Variants in FAXC observed in about 807,000 individuals in gnomAD.
The protein encoded by FAXC is failed axon connections homolog, metaxin like GST domain containing.
A neutral mutation model predicts 41.9 loss-of-function variants in FAXC; 10 were observed. The observed-to-expected ratio is 0.24, with a 90% confidence interval of 0.15 to 0.41. FAXC has a LOEUF of 0.41. FAXC is among the 10% of genes least tolerant of loss of function. FAXC has a pLI of 1.00. For synonymous variants in FAXC, 183 were observed against 183.8 expected (o/e 1.00, Z 0.03); for missense variants, 399 against 510.9 (o/e 0.78, Z 2.11).
At chr6:99,326,752 TTCTC>T (rs926362609) in intron 3 of FAXC, among the ~76,000 whole-genome samples, 1 of 152,176 alleles carries the variant, frequency 6.6e-6, no homozygotes, top group Non-Finnish European at 1.5e-5. Flanking sequence ...AGGGGCATCT[TTCTC>T]TGCGCTTCAG....
intron 2 of FAXC, among the ~76,000 whole-genome samples, chr6:99,342,189 T>G (rs1773451276): frequency 6.6e-6 from 1 of 152,176 alleles, no homozygotes; most frequent in Non-Finnish European, 1.5e-5. Flanking sequence ...AATATCTACC[T>G]CGTGGCCTAC....
intron 1 of FAXC, among the ~76,000 whole-genome samples, chr6:99,344,209 T>C (rs1773517773): frequency 6.6e-6 from 1 of 152,192 alleles, no homozygotes; most frequent in African/African-American, 2.4e-5. Context: ...TAAGTAATAG[T>C]GGAATTTATC....
rs1266258291 is a variant in FAXC, at chr6:99,349,401, C to T, written c.-29G>A. 5.1e-6 allele frequency: 8 copies of T among 1,564,166 alleles called. No homozygotes were observed. The highest frequency in any genetic ancestry group is 6.9e-6 in the Non-Finnish European group (8 of 1,157,610). Reference sequence around the variant, plus strand: ...GCGCGGCTGGCTCCGGGCGCCCCTCCCAGGGCCCGCGCCGCCCGCATGGGA... The same window carrying T: ...GCGCGGCTGGCTCCGGGCGCCCCTCTCAGGGCCCGCGCCGCCCGCATGGGA... On this transcript the variant is annotated 5_prime_UTR_variant, in exon 1 of 6. Coordinates refer to ENST00000389677, the MANE Select transcript of FAXC (RefSeq NM_032511.4).
intron 4 of FAXC, among the ~76,000 whole-genome samples, chr6:99,315,241 AAAAAAAAAAAAAAAAAAAAAAC>A (rs1247682585): frequency 1.7e-5 from 2 of 116,016 alleles, no homozygotes; most frequent in Non-Finnish European, 3.5e-5. Context: ...TTAAAAAAAA[AAAAAAAAAAAAAAAAAAAAAAC>A]CAGTAAATGT....
intron 4 of FAXC, among the ~76,000 whole-genome samples, chr6:99,303,965 G>A (rs879478656): frequency 6.6e-6 from 1 of 152,124 alleles, no homozygotes; most frequent in African/African-American, 2.4e-5. Context: ...ATTAAGAAAG[G>A]TTTTTACAAA....
At chr6:99,287,868 G>A (rs1771083064) in intron 5 of FAXC, among the ~76,000 whole-genome samples, 1 of 152,188 alleles carries the variant, frequency 6.6e-6, no homozygotes, top group African/African-American at 2.4e-5. Context: ...GATTTAGAAG[G>A]GGTATGGAAC....
In FAXC at chr6:99,277,040, G is replaced by A. The variant is rs1011224558; in HGVS notation, c.*4124C>T. ...AGACCTTGAGAGATGGGCATGACTT[G>A]GGCCAGTGGAGCAGAGAATAGAACA... On this transcript the variant is annotated 3_prime_UTR_variant, in exon 6 of 6. Transcript: ENST00000389677. The A allele has an allele frequency of 3.9e-5, 6 of 152,294 alleles. No individual in the cohort carries two copies. The highest frequency in any genetic ancestry group is 8.8e-5 in the Non-Finnish European group (6 of 68,088). 9.4% of individuals were successfully genotyped at this position (152,294 alleles called of 1,614,324 possible).
At chr6:99,323,928 C>T (rs1247254465) in intron 3 of FAXC, among the ~76,000 whole-genome samples, 1 of 152,092 alleles carries the variant, frequency 6.6e-6, no homozygotes, top group Non-Finnish European at 1.5e-5. Flanking sequence ...CAGACCTCTC[C>T]CCTCCCCTCC....
chr6:99,288,640 T>C (rs762428953), intron 5 of FAXC, among the ~76,000 whole-genome samples: 6 of 152,222 alleles, frequency 3.9e-5, no homozygotes, highest in African/African-American at 7.2e-5. Flanking sequence ...AACATCCTCA[T>C]AATGACCATT....
chr6:99,338,617 T>C (rs1228610880), intron 2 of FAXC, among the ~76,000 whole-genome samples: 1 of 152,182 alleles, frequency 6.6e-6, no homozygotes, highest in Non-Finnish European at 1.5e-5. Flanking sequence ...CATGGCTAAG[T>C]GAGGCAATCT....
At chr6:99,341,267 G>A (rs1368466737) in intron 2 of FAXC, among the ~76,000 whole-genome samples, 3 of 151,870 alleles carry the variant, frequency 2.0e-5, no homozygotes, top group Non-Finnish European at 2.9e-5. Flanking sequence ...TATTAAATAA[G>A]ATATTAGAAA....
chr6:99,287,861 T>C (rs988807675), intron 5 of FAXC, among the ~76,000 whole-genome samples: 1 of 151,992 alleles, frequency 6.6e-6, no homozygotes, highest in Non-Finnish European at 1.5e-5. Flanking sequence ...CTCCAAAGAT[T>C]TAGAAGGGGT....
chr6:99,338,289 T>A (rs1331770720), intron 2 of FAXC, among the ~76,000 whole-genome samples: 1 of 152,178 alleles, frequency 6.6e-6, no homozygotes, highest in Admixed American at 6.5e-5. Context: ...GCAAGCCCCT[T>A]CTTGAAGACC....
At chr6:99,288,754 T>C (rs1472920563) in intron 5 of FAXC, among the ~76,000 whole-genome samples, 1 of 152,124 alleles carries the variant, frequency 6.6e-6, no homozygotes, top group Non-Finnish European at 1.5e-5. Context: ...TCTGATAATG[T>C]ATCTGGAGCT....
intron 4 of FAXC, among the ~76,000 whole-genome samples, chr6:99,302,976 CT>C (rs985842495): frequency 6.6e-6 from 1 of 151,926 alleles, no homozygotes; most frequent in Admixed American, 6.6e-5. Flanking sequence ...TTTGACTTTT[CT>C]GTTGGAAAAA....
intron 4 of FAXC, among the ~76,000 whole-genome samples, chr6:99,306,859 C>T (rs900331781): frequency 6.6e-6 from 1 of 152,156 alleles, no homozygotes; most frequent in East Asian, 1.9e-4. Context: ...AGTGCTGGCA[C>T]GGAGTAAGTG....
chr6:99,341,653 C>T (rs1773431712), intron 2 of FAXC, among the ~76,000 whole-genome samples: 1 of 152,126 alleles, frequency 6.6e-6, no homozygotes, highest in Non-Finnish European at 1.5e-5. Context: ...GACAAATCAA[C>T]AGATACACTT....
In FAXC at chr6:99,349,429, G is replaced by A. The variant is rs1773716749; in HGVS notation, c.-57C>T. 2 of 1,282,566 alleles carry A rather than the reference G, an allele frequency of 1.6e-6. No homozygotes were observed. Among genetic ancestry groups the A allele is most frequent in the Non-Finnish European group, 2.0e-6 (2 of 1,015,036 alleles). The allele number at this position is 1,282,566 out of a possible 1,614,324, so 79.4% of individuals were successfully genotyped here. On this transcript the variant is annotated 5_prime_UTR_variant, in exon 1 of 6. Coordinates refer to ENST00000389677, the MANE Select transcript of FAXC (RefSeq NM_032511.4). Reference sequence around the variant, plus strand: ...GGGCCCGCGCCGCCCGCATGGGAAGGGGCCGGCGCGGCCCGGCGCGGGCTC... The same window carrying A: ...GGGCCCGCGCCGCCCGCATGGGAAGAGGCCGGCGCGGCCCGGCGCGGGCTC...
At chr6:99,289,334 C>T (rs1771143488) in intron 5 of FAXC, among the ~76,000 whole-genome samples, 1 of 152,108 alleles carries the variant, frequency 6.6e-6, no homozygotes, top group South Asian at 2.1e-4. Flanking sequence ...GATACATCTC[C>T]ATAAACCCAT....
Sources: gnomAD v4.1 joint callset for allele counts (sites outside exome capture counted in the v4.1 genomes callset) on GRCh38, gnomAD v4.1.1 for gene constraint, MANE v1.5 for transcripts, NCBI Gene and HGNC (gene_info 2026-07-23, HGNC 2026-07-21) for gene names.